Variants in UGGT2 observed in about 807,000 individuals in gnomAD.
UGGT2 encodes UDP-glucose glycoprotein glucosyltransferase 2, also known as UDP-glucose:glycoprotein glucosyltransferase 2.
A neutral mutation model predicts 192.1 loss-of-function variants in UGGT2; 180 were observed. The ratio of observed to expected loss-of-function variants is 0.94; its 90% CI spans 0.83 to 1.06. UGGT2 has a LOEUF of 1.06. UGGT2 is among the 50% of genes least tolerant of loss of function. The probability of loss-of-function intolerance (pLI) is 0.00; values close to 1 mark genes in which losing one functional copy is unlikely to be tolerated. For synonymous variants in UGGT2, 580 were observed against 591.0 expected (o/e 0.98, Z 0.27); for missense variants, 1,849 against 1,795.7 (o/e 1.03, Z -0.54).
chr13:95,953,835 G>A (rs1325386438), intron 12 of UGGT2, among the ~76,000 whole-genome samples: 1 of 152,074 alleles, frequency 6.6e-6, no homozygotes, highest in African/African-American at 2.4e-5. Flanking sequence ...AGAATAAAGA[G>A]GTCAGTTTGA....
intron 14 of UGGT2, among the ~76,000 whole-genome samples, chr13:95,947,461 T>TA (rs1434409771): frequency 8.1e-4 from 99 of 122,138 alleles, no homozygotes; most frequent in Non-Finnish European, 1.3e-3. Context: ...TTTATTTTTA[T>TA]TTTTTTTGAG....
chr13:95,897,878 A>C (rs1470033116), intron 22 of UGGT2, among the ~76,000 whole-genome samples: 1 of 152,132 alleles, frequency 6.6e-6, no homozygotes, highest in Non-Finnish European at 1.5e-5. Flanking sequence ...CTACACTCAT[A>C]TTCAATCACC....
intron 7 of UGGT2, among the ~76,000 whole-genome samples, chr13:95,993,705 T>C (rs758681151): frequency 3.9e-5 from 6 of 152,200 alleles, no homozygotes; most frequent in Non-Finnish European, 4.4e-5. Context: ...CCAAAAATCT[T>C]ATCCTTACTG....
chr13:96,051,304 G>T (rs1211688031), intron 1 of UGGT2, among the ~76,000 whole-genome samples: 1 of 152,128 alleles, frequency 6.6e-6, no homozygotes, highest in East Asian at 1.9e-4. Flanking sequence ...GACACACAAT[G>T]GGGAACATCA....
At position 95,860,714 on chromosome 13, in the gene UGGT2, C is replaced by T. The variant is rs534447450; in HGVS notation, c.3740+74G>A. 3.1e-4 allele frequency: 308 copies of T among 978,308 alleles called. 4 individuals are homozygous for T. In the South Asian group the frequency reaches 6.5e-3, roughly 21 times the overall value. 60.6% of individuals were successfully genotyped at this position (978,308 alleles called of 1,614,324 possible). On this transcript the variant is annotated intron_variant, in intron 32 of 38. Transcript: ENST00000376747. ...AGTTTTTTTTTTCCCAGTGTATATT[C>T]CTTTATTTTTTTTTGAAATTTGAAC...
chr13:96,023,439 T>G (rs2052572551), intron 3 of UGGT2, among the ~76,000 whole-genome samples, 190 bp downstream of exon 3: 1 of 152,102 alleles, frequency 6.6e-6, no homozygotes, highest in Admixed American at 6.5e-5. Flanking sequence ...CCCAAATAAC[T>G]ATAAAAATTA....
At chr13:96,044,193 G>A (rs2053243347) in intron 1 of UGGT2, among the ~76,000 whole-genome samples, 1 of 152,074 alleles carries the variant, frequency 6.6e-6, no homozygotes, top group Non-Finnish European at 1.5e-5. Context: ...GAATAAAACT[G>A]AAAATCAACC....
chr13:95,890,505 T>C (rs2047769521), intron 25 of UGGT2, among the ~76,000 whole-genome samples: 1 of 152,170 alleles, frequency 6.6e-6, no homozygotes. Context: ...ACCAATCCTA[T>C]TGGATCAGGG....
chr13:95,903,151 G>A, intron 20 of UGGT2, 91 bp from the exon 21 acceptor site: 1 of 1,252,154 alleles, frequency 8.0e-7, no homozygotes, highest in Non-Finnish European at 1.1e-6. Context: ...TTTGTTCACT[G>A]TATCATGCAC....
intron 17 of UGGT2, among the ~76,000 whole-genome samples, chr13:95,931,456 C>T (rs925846622): frequency 8.6e-5 from 13 of 150,560 alleles, no homozygotes; most frequent in African/African-American, 2.2e-4. Flanking sequence ...AGCCCTTGAG[C>T]GGTCAATGGG....
chr13:95,871,622 T>G (rs1379473260), intron 29 of UGGT2, among the ~76,000 whole-genome samples: 1 of 151,968 alleles, frequency 6.6e-6, no homozygotes, highest in Non-Finnish European at 1.5e-5. Context: ...AATCGAGGAG[T>G]CAGGAGAGTG....
chr13:95,975,478 C>G (rs2050907697), intron 10 of UGGT2, among the ~76,000 whole-genome samples: 1 of 152,128 alleles, frequency 6.6e-6, no homozygotes. Flanking sequence ...GGGTTTGGAG[C>G]TGGATTTCAT....
At chr13:95,833,268 T>A (rs927417221) in intron 37 of UGGT2, among the ~76,000 whole-genome samples, 1 of 152,092 alleles carries the variant, frequency 6.6e-6, no homozygotes, top group Admixed American at 6.6e-5. Context: ...GAAATTTAAA[T>A]AAAAATTGTT....
chr13:96,042,687 C>T (rs898325688), intron 1 of UGGT2, among the ~76,000 whole-genome samples: 5 of 151,300 alleles, frequency 3.3e-5, no homozygotes, highest in African/African-American at 1.2e-4. Flanking sequence ...ATCAAAACTT[C>T]AGGAAACAAT....
At chr13:95,918,415 C>T (rs2048744884) in intron 20 of UGGT2, among the ~76,000 whole-genome samples, 1 of 152,110 alleles carries the variant, frequency 6.6e-6, no homozygotes, top group Non-Finnish European at 1.5e-5. Flanking sequence ...TAAATGCCCA[C>T]ATCAAAACGC....
At chr13:95,867,964 G>A (rs2140116733) in intron 29 of UGGT2, among the ~76,000 whole-genome samples, 1 of 152,134 alleles carries the variant, frequency 6.6e-6, no homozygotes, top group East Asian at 1.9e-4. Flanking sequence ...GTATAATGCA[G>A]TTTTTTTCTC....
In UGGT2 at chr13:95,986,445, A is replaced by G. The variant is rs1300704016; in HGVS notation, c.932-13T>C. On this transcript the variant is annotated splice_polypyrimidine_tract_variant and intron_variant, in intron 8 of 38. Coordinates refer to ENST00000376747, the MANE Select transcript of UGGT2 (RefSeq NM_020121.4). ...TGAAAACTAAGATCTGGAAGGAAAAATATTATTAAGGAATCTAGCATAATA... is the reference window on the plus strand; with the variant it reads ...TGAAAACTAAGATCTGGAAGGAAAAGTATTATTAAGGAATCTAGCATAATA... The G allele has an allele frequency of 9.1e-6, 14 of 1,545,060 alleles. No homozygotes were observed. The highest frequency in any genetic ancestry group is 1.2e-5 in the Non-Finnish European group (14 of 1,123,040).
chr13:95,895,209 A>G lies in UGGT2; in HGVS notation c.2730T>C (p.Ile910=). Residue 910 remains isoleucine, a synonymous_variant, in exon 23 of 39, where the codon ATT becomes ATC. Transcript: ENST00000376747. ...FSNLGEKIKG[I]VENMGINANN... ...TTGCGTTGATTCCCATATTTTCAAC[A>G]ATGCCTTTAATTTTCTCTCCTAAAT... 6.3e-7 allele frequency: 1 copy of G among 1,586,356 alleles called. No individual in the cohort carries two copies. Among genetic ancestry groups the G allele is most frequent in the Non-Finnish European group, 8.5e-7 (1 of 1,172,182 alleles).
intron 20 of UGGT2, among the ~76,000 whole-genome samples, chr13:95,918,750 A>G (rs1315015742): frequency 6.6e-6 from 1 of 152,150 alleles, no homozygotes; most frequent in Admixed American, 6.5e-5. Flanking sequence ...CCAACCAAAA[A>G]AAGCCTAGGA....
Sources: allele counts gnomAD v4.1 joint callset (sites outside exome capture counted in the v4.1 genomes callset), GRCh38; gene constraint gnomAD v4.1.1; transcripts MANE v1.5; gene names NCBI Gene and HGNC (gene_info 2026-07-23, HGNC 2026-07-21).